KAT2A: variants seen among roughly 807,000 people sequenced by gnomAD.
KAT2A encodes the protein lysine acetyltransferase 2A, also known as histone acetyltransferase KAT2A.
KAT2A carries 42 observed loss-of-function variants against 95.2 expected under a neutral mutation model. The observed-to-expected ratio is 0.44, with a 90% confidence interval of 0.34 to 0.57. The LOEUF (loss-of-function observed/expected upper bound fraction) is 0.57, where lower values mean the gene tolerates loss of function less well. KAT2A is among the 20% of genes least tolerant of loss of function. The pLI is 0.01. For missense variants in KAT2A, 784 were observed against 1,126.3 expected (o/e 0.70, Z 4.35); for synonymous variants, 449 against 448.2 (o/e 1.00, Z -0.02).
Position 42,114,155 on chromosome 17 carries a change from C to A in KAT2A, c.2235+64G>T, listed in dbSNP as rs1470481879. The A allele has an allele frequency of 1.3e-6, 2 of 1,577,358 alleles. No homozygotes were observed. Among genetic ancestry groups the A allele is most frequent in the African/African-American group, 2.8e-5 (2 of 72,616 alleles). On this transcript the variant is annotated intron_variant, in intron 16 of 17. Transcript: ENST00000225916. The surrounding 1 kb of genome is among the most constrained non-coding windows in gnomAD (Gnocchi z 6.0). The stretch of plus-strand genomic sequence containing the variant: ...CAGCCCGAGACCACTACCCACCCCA[C>A]ACTGCATCAAGAGGCCACAGCCATT...
At position 42,117,205 on chromosome 17, in the gene KAT2A, C is replaced by A; in HGVS notation, c.1638-44G>T. ...TGTCATAGCCCCTGACTGTCCCCTTCAGGTCCCCAGAGCCCTGGAAGTCTG... is the reference window on the plus strand; with the variant it reads ...TGTCATAGCCCCTGACTGTCCCCTTAAGGTCCCCAGAGCCCTGGAAGTCTG... On this transcript the variant is annotated intron_variant, in intron 10 of 17. Transcript: ENST00000225916. The surrounding 1 kb of genome is among the most constrained non-coding windows in gnomAD (Gnocchi z 8.9). 1.2e-6 allele frequency: 2 copies of A among 1,610,356 alleles called. No individual in the cohort carries two copies. The highest frequency in any genetic ancestry group is 1.7e-6 in the Non-Finnish European group (2 of 1,178,426).
chr17:42,116,036 C>G (rs1439421536), intron 11 of KAT2A, among the ~76,000 whole-genome samples: 1 of 152,224 alleles, frequency 6.6e-6, no homozygotes, highest in Non-Finnish European at 1.5e-5. Flanking sequence ...TAAGCTCACT[C>G]TGGGCTAGGT....
chr17:42,115,618 G>A, intron 12 of KAT2A, 105 bp downstream of exon 12: 1 of 756,930 alleles, frequency 1.3e-6, no homozygotes. Flanking sequence ...GGTGTCAGGT[G>A]AAGTAGGGGA....
rs2054334579 is a variant in KAT2A at position 42,121,225 on chromosome 17, G to A, written c.80C>T (p.Thr27Ile). The A allele has an allele frequency of 1.1e-5, 15 of 1,346,524 alleles. No homozygotes were observed. The East Asian group carries it at 3.2e-4, about 29-fold the overall frequency. The allele number at this position is 1,346,524 out of a possible 1,614,324, so 83.4% of individuals were successfully genotyped here. ...RPLQSPAPAP[T>I]PTPAPSPASA... is the part of the protein sequence containing the mutation. ...AGCCGGGCTGGGTGCAGGAGTCGGA[G>A]TTGGGGCAGGGGCTGGGGACTGAAG... The change falls in exon 1 of 18, where the codon ACT becomes ATT. Residue 27 changes from threonine (T) to isoleucine (I), a missense_variant. Around this residue, in one of 6 missense-constraint regions of KAT2A, gnomAD observed 142 missense variants for 123.2 expected, o/e 1.15. Transcript: ENST00000225916.
rs1461769361 is a variant in KAT2A at position 42,121,326 on chromosome 17, C to G, written c.-22G>C. On this transcript the variant is annotated 5_prime_UTR_variant, in exon 1 of 18. Coordinates refer to ENST00000225916, the MANE Select transcript of KAT2A (RefSeq NM_021078.3). ...CCATGGCCTCCCCCGCAGCGGAGAGCGGCGCCGCGCTCCCAGCCCTAGGGC... is the reference window on the plus strand; with the variant it reads ...CCATGGCCTCCCCCGCAGCGGAGAGGGGCGCCGCGCTCCCAGCCCTAGGGC... 6 of 1,363,576 alleles carry G rather than the reference C, an allele frequency of 4.4e-6. No homozygotes were observed. Among genetic ancestry groups the G allele is most frequent in the Non-Finnish European group, 4.7e-6 (5 of 1,065,618 alleles). The allele number at this position is 1,363,576 out of a possible 1,614,324, so 84.5% of individuals were successfully genotyped here.
At chr17:42,115,595 G>A (rs2054246496) in intron 12 of KAT2A, 128 bp downstream of exon 12, 2 of 689,350 alleles carry the variant, frequency 2.9e-6, no homozygotes, top group African/African-American at 1.7e-5. Context: ...TAGGCATGGA[G>A]ACTCTCCTGG....
In KAT2A at chr17:42,114,139, A is replaced by C; in HGVS notation, c.2236-55T>G. 1 of 1,574,240 alleles carries C rather than the reference A, an allele frequency of 6.4e-7. No homozygotes were observed. The highest frequency in any genetic ancestry group is 8.6e-7 in the Non-Finnish European group (1 of 1,162,982). On this transcript the variant is annotated intron_variant, in intron 16 of 17. Coordinates refer to ENST00000225916, the MANE Select transcript of KAT2A (RefSeq NM_021078.3). The surrounding 1 kb of genome is among the most constrained non-coding windows in gnomAD (Gnocchi z 6.0). ...CCTGCTGCGCCCACGCCAGCCCGAG[A>C]CCACTACCCACCCCACACTGCATCA... is the stretch of plus-strand genomic sequence containing the variant.
Position 42,119,534 on chromosome 17 carries a change from T to C in KAT2A, c.881+3A>G, listed in dbSNP as rs782161927. On this transcript the variant is annotated splice_donor_region_variant and intron_variant, in intron 5 of 17. Coordinates refer to ENST00000225916, the MANE Select transcript of KAT2A (RefSeq NM_021078.3). The surrounding 1 kb of genome is among the most constrained non-coding windows in gnomAD (Gnocchi z 5.3). The stretch of plus-strand genomic sequence containing the variant: ...CCCCGAAGCTGCCCCTGGCTGGGCC[T>C]ACCTGGTGTAATTGACCTTGTAGGT... The C allele has an allele frequency of 6.3e-7, 1 of 1,590,886 alleles. No individual in the cohort carries two copies. Among genetic ancestry groups the C allele is most frequent in the South Asian group, 1.1e-5 (1 of 88,178 alleles).
At position 42,114,121 on chromosome 17, in the gene KAT2A, C is replaced by T. The variant is rs376210288; in HGVS notation, c.2236-37G>A. ...AGCCGGGCTGGGGACAGCCCTGCTG[C>T]GCCCACGCCAGCCCGAGACCACTAC... On this transcript the variant is annotated intron_variant, in intron 16 of 17. Transcript: ENST00000225916. The surrounding 1 kb of genome is among the most constrained non-coding windows in gnomAD (Gnocchi z 6.0). 34 of 1,560,976 alleles carry T rather than the reference C, an allele frequency of 2.2e-5. No individual in the cohort carries two copies. The highest frequency in any genetic ancestry group is 1.3e-4 in the African/African-American group (9 of 71,994).
intron 11 of KAT2A, among the ~76,000 whole-genome samples, chr17:42,116,527 G>A (rs1317926722): frequency 6.6e-6 from 1 of 152,138 alleles, no homozygotes; most frequent in Non-Finnish European, 1.5e-5. Flanking sequence ...AGACCAGCCT[G>A]GGTGAAACCC....
chr17:42,116,090 G>A (rs1555665919), intron 11 of KAT2A, among the ~76,000 whole-genome samples: 2 of 152,210 alleles, frequency 1.3e-5, no homozygotes, highest in Non-Finnish European at 2.9e-5. Context: ...ATTAACCCCA[G>A]AGGCGAGTAT....
Position 42,117,879 on chromosome 17 carries a change from G to A in KAT2A, c.1291+28C>T. 6.2e-7 allele frequency: 1 copy of A among 1,601,636 alleles called. No individual in the cohort carries two copies. The highest frequency in any genetic ancestry group is 8.5e-7 in the Non-Finnish European group (1 of 1,171,352). On this transcript the variant is annotated intron_variant, in intron 8 of 17. Coordinates refer to ENST00000225916, the MANE Select transcript of KAT2A (RefSeq NM_021078.3). This position sits in a 1 kb window ranked among gnomAD's most constrained non-coding sequence, Gnocchi z 8.9. ...AAAGGTTTGGGAAGGAGTGAATGAGGGTCAGAGGTCAGGGGTCAAGTATCC... is the reference window on the plus strand; with the variant it reads ...AAAGGTTTGGGAAGGAGTGAATGAGAGTCAGAGGTCAGGGGTCAAGTATCC...
rs200443507 is a variant in KAT2A, at chr17:42,114,551, C to T, written c.2073G>A (p.Pro691=). The T allele has an allele frequency of 1.3e-5, 21 of 1,613,938 alleles. No individual in the cohort carries two copies. Among genetic ancestry groups the T allele is most frequent in the Admixed American group, 1.7e-5 (1 of 59,980 alleles). The part of the protein sequence containing the change: ...RKQAQIRKVY[P]GLSCFKEGVR... ...CGCCCTCCTTGAAGCAGCTGAGCCC[C>T]GGGTAGACCTTGCGGATCTGGGCCT... The change falls in exon 14 of 18, where the codon CCG becomes CCA. Residue 691 remains proline (P), a synonymous_variant. Coordinates refer to ENST00000225916, the MANE Select transcript of KAT2A (RefSeq NM_021078.3). The surrounding 1 kb of genome is among the most constrained non-coding windows in gnomAD (Gnocchi z 6.0).
chr17:42,118,018 C>A lies in KAT2A; in HGVS notation c.1181-1G>T. On this transcript the variant is annotated splice_acceptor_variant, in intron 7 of 17. Coordinates refer to ENST00000225916, the MANE Select transcript of KAT2A (RefSeq NM_021078.3). LOFTEE classifies it high-confidence loss of function. The stretch of plus-strand genomic sequence containing the variant: ...GGAACAACCGCTGCACTGACTGAAG[C>A]TGAGGAGAGAGAGAGACGTCAGGGA... 1 of 1,429,262 alleles carries A rather than the reference C, an allele frequency of 7.0e-7. No homozygotes were observed. Among genetic ancestry groups the A allele is most frequent in the Non-Finnish European group, 9.4e-7 (1 of 1,068,088 alleles). The allele number at this position is 1,429,262 out of a possible 1,614,324, so 88.5% of individuals were successfully genotyped here. A position where few individuals can be genotyped will look rare whatever the true frequency, so the allele number is the denominator to read the frequency against.
At position 42,121,118 on chromosome 17, in the gene KAT2A, G is replaced by GC. The variant is rs782291713; in HGVS notation, c.186dup (p.Pro63AlafsTer42). On this transcript the variant is annotated frameshift_variant, in exon 1 of 18. Transcript: ENST00000225916. LOFTEE classifies it high-confidence loss of function. ...CCGGCCCCCCCACTTCCTACCCCGGGCCCCCCAGTCCCTGTGCTGCCGGCT... is the reference window on the plus strand; with the variant it reads ...CCGGCCCCCCCACTTCCTACCCCGGGCCCCCCCAGTCCCTGTGCTGCCGGCT... The GC allele has an allele frequency of 2.0e-6, 3 of 1,515,642 alleles. No individual in the cohort carries two copies. Among genetic ancestry groups the GC allele is most frequent in the South Asian group, 2.4e-5 (2 of 82,100 alleles). 93.9% of individuals were successfully genotyped at this position (1,515,642 alleles called of 1,614,324 possible). A position where few individuals can be genotyped will look rare whatever the true frequency, so the allele number is the denominator to read the frequency against.
Position 42,114,885 on chromosome 17 carries a change from A to G in KAT2A, c.2019+7T>C, listed in dbSNP as rs1568009891. 6.2e-7 allele frequency: 1 copy of G among 1,613,930 alleles called. No homozygotes were observed. The highest frequency in any genetic ancestry group is 1.3e-5 in the African/African-American group (1 of 75,020). On this transcript the variant is annotated splice_region_variant and intron_variant, in intron 13 of 17. Coordinates refer to ENST00000225916, the MANE Select transcript of KAT2A (RefSeq NM_021078.3). This position sits in a 1 kb window ranked among gnomAD's most constrained non-coding sequence, Gnocchi z 6.0. ...AAATCCCACAGATGCGCATGTGTGCACACCACCTCTTTCTGCTTCTTGATG... is the reference window on the plus strand; with the variant it reads ...AAATCCCACAGATGCGCATGTGTGCGCACCACCTCTTTCTGCTTCTTGATG...
Position 42,121,362 on chromosome 17 carries a change from A to G in KAT2A, c.-58T>C, listed in dbSNP as rs1555667410. 4 of 1,346,128 alleles carry G rather than the reference A, an allele frequency of 3.0e-6. No individual in the cohort carries two copies. Among genetic ancestry groups the G allele is most frequent in the Non-Finnish European group, 3.8e-6 (4 of 1,055,410 alleles). The allele number at this position is 1,346,128 out of a possible 1,614,324, so 83.4% of individuals were successfully genotyped here. A position where few individuals can be genotyped will look rare whatever the true frequency, so the allele number is the denominator to read the frequency against. ...TCCCAGCCCTAGGGCCGCATGGGCAACCAGCGCTCAGTGCGCAGGCGTTGC... is the reference window on the plus strand; with the variant it reads ...TCCCAGCCCTAGGGCCGCATGGGCAGCCAGCGCTCAGTGCGCAGGCGTTGC... On this transcript the variant is annotated 5_prime_UTR_variant, in exon 1 of 18. Transcript: ENST00000225916.
At position 42,114,809 on chromosome 17, in the gene KAT2A, G is replaced by T; in HGVS notation, c.2019+83C>A. 1 of 1,420,556 alleles carries T rather than the reference G, an allele frequency of 7.0e-7. No individual in the cohort carries two copies. Among genetic ancestry groups the T allele is most frequent in the Non-Finnish European group, 9.9e-7 (1 of 1,013,346 alleles). 88.0% of individuals were successfully genotyped at this position (1,420,556 alleles called of 1,614,324 possible). On this transcript the variant is annotated intron_variant, in intron 13 of 17. Coordinates refer to ENST00000225916, the MANE Select transcript of KAT2A (RefSeq NM_021078.3). The surrounding 1 kb of genome is among the most constrained non-coding windows in gnomAD (Gnocchi z 6.0). ...CTCACACACATATATGCATGTAGACGTAGAACAGGTCTACACACGTGTGCT... is the reference window on the plus strand; with the variant it reads ...CTCACACACATATATGCATGTAGACTTAGAACAGGTCTACACACGTGTGCT...
Position 42,121,009 on chromosome 17 carries a change from C to T in KAT2A, c.296G>A (p.Arg99His), listed in dbSNP as rs1232786895. ...QRKAQVRGLPRAKKLEKLGVF... is the reference protein window; with the variant it reads ...QRKAQVRGLPHAKKLEKLGVF... The stretch of plus-strand genomic sequence containing the variant: ...CCCTAGCTTCTCAAGCTTCTTGGCG[C>T]GCGGCAGCCCCCGGACTTGCGCCTT... Residue 99 changes from arginine to histidine, a missense_variant, in exon 1 of 18, where the codon CGC (arginine) becomes CAC (histidine). By Grantham distance (29) the Arg-to-His change is conservative (BLOSUM62 0). Coordinates refer to ENST00000225916, the MANE Select transcript of KAT2A (RefSeq NM_021078.3). 1.3e-5 allele frequency: 21 copies of T among 1,594,372 alleles called. No homozygotes were observed. The highest frequency in any genetic ancestry group is 1.7e-5 in the Non-Finnish European group (20 of 1,172,072).
Sources: allele counts gnomAD v4.1 joint callset (sites outside exome capture counted in the v4.1 genomes callset), GRCh38; gene constraint gnomAD v4.1.1; regional missense constraint gnomAD v4.1.1; non-coding constraint Gnocchi (gnomAD v3.1); transcripts MANE v1.5; gene names NCBI Gene and HGNC (gene_info 2026-07-23, HGNC 2026-07-21).